ATXN2: variants seen among roughly 807,000 people sequenced by gnomAD.
ATXN2 encodes ataxin-2.
Under a neutral mutation model 138.6 loss-of-function variants are expected in ATXN2, and 37 were observed. The observed-to-expected ratio is 0.27, with a 90% CI of 0.21 to 0.35. The LOEUF (loss-of-function observed/expected upper bound fraction) is 0.35, where lower values mean the gene tolerates loss of function less well. ATXN2 is among the 10% of genes least tolerant of loss of function. The probability of loss-of-function intolerance (pLI) is 1.00; values close to 1 mark genes in which losing one functional copy is unlikely to be tolerated. For missense variants in ATXN2, 1,216 were observed against 1,480.3 expected, an observed-to-expected ratio of 0.82 and a Z score of 2.93; for synonymous variants, 549 against 543.7, an observed-to-expected ratio of 1.01 and a Z score of -0.13.
At chr12:111,496,151 TACAAACAA>T (rs747789456) in intron 14 of ATXN2, among the ~76,000 whole-genome samples, 7 of 151,596 alleles carry the variant, frequency 4.6e-5, no homozygotes, top group African/African-American at 9.7e-5. Flanking sequence ...GAGACTCTGT[TACAAACAA>T]ACAAACAAAC....
chr12:111,581,754 T>C (rs1884018199), intron 1 of ATXN2: 1 of 603,818 alleles, frequency 1.7e-6, no homozygotes, highest in Non-Finnish European at 3.1e-6. Flanking sequence ...ATCATCCCAG[T>C]GTTGATCTTT....
chr12:111,595,748 A>G (rs980251759), intron 1 of ATXN2, among the ~76,000 whole-genome samples: 27 of 152,238 alleles, frequency 1.8e-4, no homozygotes, highest in African/African-American at 6.3e-4. Flanking sequence ...GAAAAGGTAA[A>G]AAGCAAAAAT....
intron 14 of ATXN2, among the ~76,000 whole-genome samples, chr12:111,507,267 T>C (rs1275159773): frequency 6.9e-6 from 1 of 145,098 alleles, no homozygotes; most frequent in South Asian, 2.2e-4. Flanking sequence ...GGAGCGCCTC[T>C]GCCCCGCTGC....
At chr12:111,569,746 TA>T (rs1883208822) in intron 1 of ATXN2, among the ~76,000 whole-genome samples, 1 of 152,082 alleles carries the variant, frequency 6.6e-6, no homozygotes, top group Non-Finnish European at 1.5e-5. Context: ...ACACTCTTCA[TA>T]TGAAGTTTTA....
At chr12:111,580,673 GA>G (rs1473628999) in intron 1 of ATXN2, among the ~76,000 whole-genome samples, 1 of 132,590 alleles carries the variant, frequency 7.5e-6, no homozygotes, top group Non-Finnish European at 1.6e-5. Context: ...GAAGGGGAGG[GA>G]GGGGGGGAGA....
chr12:111,455,951 G>C (rs1381164763), intron 23 of ATXN2, 78 bp downstream of exon 23: 1 of 1,367,432 alleles, frequency 7.3e-7, no homozygotes, highest in African/African-American at 1.4e-5. Context: ...TTCCTAGCTG[G>C]GAGAGCCTCT....
intron 21 of ATXN2, among the ~76,000 whole-genome samples, chr12:111,463,708 G>A (rs185127108): frequency 1.3e-5 from 2 of 152,278 alleles, no homozygotes; most frequent in South Asian, 2.1e-4. Flanking sequence ...GGGGAGAGGG[G>A]ACCTGTGCTG....
chr12:111,586,810 C>T lies in ATXN2; in HGVS notation c.251+11974G>A, dbSNP rs368112621. Among the ~76,000 whole-genome samples, 9 of 152,168 alleles carry T rather than the reference C, an allele frequency of 5.9e-5. 1 individual carries two copies. Among genetic ancestry groups the T allele is most frequent in the South Asian group, 4.1e-4 (2 of 4,824 alleles). On this transcript the variant is annotated intron_variant, in intron 1 of 24. Coordinates refer to ENST00000673436, the MANE Select transcript of ATXN2 (RefSeq NM_001372574.1). Reference sequence around the variant, plus strand: ...TGCTGGGATTACAAGCGTGAGCCACCGCACCCAGCTAAGTCTTTCAACTTT... The same window carrying T: ...TGCTGGGATTACAAGCGTGAGCCACTGCACCCAGCTAAGTCTTTCAACTTT...
chr12:111,528,491 G>A (rs1344683070), intron 5 of ATXN2, among the ~76,000 whole-genome samples: 5 of 152,180 alleles, frequency 3.3e-5, no homozygotes, highest in African/African-American at 1.2e-4. Flanking sequence ...TTTAGGTTGT[G>A]TTAAGAGGGC....
At position 111,553,604 on chromosome 12, in the gene ATXN2, A is replaced by ATTTTTTTTTTTTTTTT. The variant is rs745560171; in HGVS notation, c.348+553_348+554insAAAAAAAAAAAAAAAA. On this transcript the variant is annotated intron_variant, in intron 3 of 24. Transcript: ENST00000673436. ...AAAAAAAAAAAAAAAAAAAAAAAAA[A>ATTTTTTTTTTTTTTTT]TTTTTTTTTTTGAGAAGGGGTCTGT... Among the ~76,000 whole-genome samples, 4 of 85,004 alleles carry ATTTTTTTTTTTTTTTT rather than the reference A, an allele frequency of 4.7e-5. 1 individual carries two copies. The highest frequency in any genetic ancestry group is 3.0e-4 in the African/African-American group (4 of 13,240). 55.8% of individuals were successfully genotyped at this position (85,004 alleles called of 152,430 possible).
chr12:111,559,209 T>G (rs1437984748), intron 1 of ATXN2, among the ~76,000 whole-genome samples: 1 of 151,026 alleles, frequency 6.6e-6, no homozygotes, highest in Non-Finnish European at 1.5e-5. Flanking sequence ...CTTGGCTCAC[T>G]GCAACCTCCG....
intron 18 of ATXN2, among the ~76,000 whole-genome samples, chr12:111,483,452 C>CTTTTTTTT (rs927752030): frequency 1.9e-5 from 2 of 107,212 alleles, no homozygotes; most frequent in African/African-American, 3.6e-5. Flanking sequence ...TAAAAGAACT[C>CTTTTTTTT]TTTTTTTTTT....
chr12:111,551,877 T>C (rs1047088637), intron 5 of ATXN2, among the ~76,000 whole-genome samples: 39 of 152,118 alleles, frequency 2.6e-4, no homozygotes, highest in Middle Eastern at 3.4e-3. Flanking sequence ...TAGATATTTC[T>C]TTTTTCTTTC....
intron 5 of ATXN2, among the ~76,000 whole-genome samples, chr12:111,537,633 C>T (rs796218416): frequency 1.2e-4 from 18 of 150,170 alleles, no homozygotes; most frequent in African/African-American, 2.7e-4. Flanking sequence ...TCCATTAATA[C>T]GCAATGTCCA....
chr12:111,598,727 C>G lies in ATXN2; in HGVS notation c.251+57G>C. The G allele has an allele frequency of 9.3e-7, 1 of 1,073,448 alleles. No individual in the cohort carries two copies. Among genetic ancestry groups the G allele is most frequent in the Non-Finnish European group, 1.1e-6 (1 of 872,564 alleles). The allele number at this position is 1,073,448 out of a possible 1,614,324, so 66.5% of individuals were successfully genotyped here. Reference sequence around the variant, plus strand: ...CACGGGGCGGGGACGGCGGCGCGGGCCGCGGGGGAGGGGACGCCGGGCCCG... The same window carrying G: ...CACGGGGCGGGGACGGCGGCGCGGGGCGCGGGGGAGGGGACGCCGGGCCCG... On this transcript the variant is annotated intron_variant, in intron 1 of 24. Coordinates refer to ENST00000673436, the MANE Select transcript of ATXN2 (RefSeq NM_001372574.1). The surrounding 1 kb of genome is among the most constrained non-coding windows in gnomAD (Gnocchi z 4.5).
rs536692416 is a variant in ATXN2 at position 111,540,733 on chromosome 12, C to T, written c.571+11547G>A. Reference sequence around the variant, plus strand: ...TTTTTTTGAGATGGAGTCACTCTGTCGCCCAAGCTGGAGTGATGTGGCACA... The same window carrying T: ...TTTTTTTGAGATGGAGTCACTCTGTTGCCCAAGCTGGAGTGATGTGGCACA... On this transcript the variant is annotated intron_variant, in intron 5 of 24. Coordinates refer to ENST00000673436, the MANE Select transcript of ATXN2 (RefSeq NM_001372574.1). Among the ~76,000 whole-genome samples, 730 of 136,584 alleles carry T rather than the reference C, an allele frequency of 5.3e-3. 52 individuals are homozygous for T. Among genetic ancestry groups the T allele is most frequent in the Non-Finnish European group, 9.2e-3 (583 of 63,594 alleles). 89.6% of individuals were successfully genotyped at this position (136,584 alleles called of 152,430 possible). A position where few individuals can be genotyped will look rare whatever the true frequency, so the allele number is the denominator to read the frequency against.
At chr12:111,553,604 A>AAAAAAAAAAATTTTTTTTT (rs1882237738) in intron 3 of ATXN2, among the ~76,000 whole-genome samples, 1 of 85,004 alleles carries the variant, frequency 1.2e-5, no homozygotes, top group Non-Finnish European at 1.9e-5. Context: ...AAAAAAAAAA[A>AAAAAAAAAAATTTTTTTTT]TTTTTTTTTT....
At chr12:111,591,169 G>A (rs534051843) in intron 1 of ATXN2, among the ~76,000 whole-genome samples, 8 of 152,114 alleles carry the variant, frequency 5.3e-5, no homozygotes, top group Middle Eastern at 3.4e-3. Flanking sequence ...GATTACAGGC[G>A]TGAGCCACCG....
intron 21 of ATXN2, chr12:111,461,140 T>G (rs1185817117): frequency 2.6e-5 from 4 of 152,212 alleles, no homozygotes; most frequent in Non-Finnish European, 5.9e-5. Flanking sequence ...AAGAAGTACC[T>G]TAATCAGGAA....
Sources: gnomAD v4.1 joint callset for allele counts (sites outside exome capture counted in the v4.1 genomes callset) on GRCh38, gnomAD v4.1.1 for gene constraint, Gnocchi (gnomAD v3.1) non-coding constraint, MANE v1.5 for transcripts, NCBI Gene and HGNC (gene_info 2026-07-23, HGNC 2026-07-21) for gene names.